The following DST variants were observed in gnomAD, a reference collection of about 807,000 sequenced individuals.
The protein encoded by DST is dystonin.
A neutral mutation model predicts 875.2 loss-of-function variants in DST; 253 were observed. That is an observed-to-expected ratio of 0.29 (90% CI 0.26 to 0.32). The LOEUF (loss-of-function observed/expected upper bound fraction) is 0.32. Among genes scored for constraint, DST ranks in the 10% least tolerant of loss-of-function variants. The pLI, the probability that DST is intolerant of heterozygous loss-of-function variation, is 1.00. For synonymous variants in DST, 3,124 were observed against 3,197.1 expected (o/e 0.98, Z 0.77); for missense variants, 8,287 against 9,111.6 (o/e 0.91, Z 3.68).
chr6:56,784,519 G>A (rs548259174), intron 4 of DST, among the ~76,000 whole-genome samples: 3 of 152,252 alleles, frequency 2.0e-5, no homozygotes, highest in African/African-American at 7.2e-5. Context: ...GATCGCATCA[G>A]CTCCTGAGGC....
chr6:56,947,130 C>T (rs1357527120), intron 2 of DST, among the ~76,000 whole-genome samples: 1 of 152,014 alleles, frequency 6.6e-6, no homozygotes, highest in Non-Finnish European at 1.5e-5. Flanking sequence ...GGCCATTTTC[C>T]AAGGCCCTCT....
intron 85 of DST, among the ~76,000 whole-genome samples, chr6:56,491,405 C>T (rs1190308685): frequency 6.6e-6 from 1 of 152,054 alleles, no homozygotes; most frequent in Non-Finnish European, 1.5e-5. Flanking sequence ...CACTAAATTT[C>T]TAGTAAAAAT....
rs185941415 is a variant in DST at position 56,775,546 on chromosome 6, A to G, written c.626-40257T>C. Among the ~76,000 whole-genome samples the G allele has an allele frequency of 5.3e-5, 8 of 152,332 alleles. No homozygotes were observed. The East Asian group carries it at 1.5e-3, about 29-fold the overall frequency. On this transcript the variant is annotated intron_variant, in intron 4 of 103. Coordinates refer to ENST00000680361, the MANE Select transcript of DST (RefSeq NM_001374736.1). ...CCCAGCGCTTAGATATTGGTTTCTA[A>G]TATCAGCTTCCAATAAAAGGAACCA...
At chr6:56,843,580 A>G in intron 4 of DST, 1 of 983,904 alleles carries the variant, frequency 1.0e-6, no homozygotes, top group Non-Finnish European at 1.2e-6. Context: ...GGCCGGGCCG[A>G]GGCCGCGGCA....
chr6:56,853,816 C>G (rs570006830), intron 3 of DST, among the ~76,000 whole-genome samples: 4 of 151,902 alleles, frequency 2.6e-5, no homozygotes, highest in Non-Finnish European at 5.9e-5. Context: ...ACTGGTGCAG[C>G]CTCTAATCTG....
intron 32 of DST, among the ~76,000 whole-genome samples, chr6:56,629,035 T>C (rs1296414562): frequency 6.6e-6 from 1 of 152,200 alleles, no homozygotes; most frequent in Admixed American, 6.5e-5. Flanking sequence ...AATGCTAGAA[T>C]ACATGAATAG....
At position 56,604,831 on chromosome 6, in the gene DST, T is replaced by A. The variant is rs771562411; in HGVS notation, c.9797A>T (p.Glu3266Val). Residue 3266 changes from glutamate to valine, a missense_variant, in exon 40 of 104, where the codon GAA becomes GTA. Glu to Val is a moderately radical substitution (Grantham distance 121). Coordinates refer to ENST00000680361, the MANE Select transcript of DST (RefSeq NM_001374736.1). ...GGTEISQFTP[E>V]SIEATLSILS... is the part of the protein sequence containing the mutation. ...TATTGAAAGTGTGGCTTCAATACTT[T>A]CTGGTGTGAACTGAGAAATTTCTGT... 1.1e-5 allele frequency: 18 copies of A among 1,612,876 alleles called. No homozygotes were observed. The highest frequency in any genetic ancestry group is 1.4e-5 in the Non-Finnish European group (16 of 1,179,310).
At chr6:56,836,489 TA>T (rs2099793669) in intron 4 of DST, among the ~76,000 whole-genome samples, 1 of 152,130 alleles carries the variant, frequency 6.6e-6, no homozygotes, top group Non-Finnish European at 1.5e-5. Context: ...TAAATGAACA[TA>T]AAACCACTTA....
Position 56,501,189 on chromosome 6 carries a change from G to A in DST, c.19787C>T (p.Ala6596Val). ...ALLALGQFQH[A>V]LDELLAWLTH... is the part of the protein sequence containing the mutation. ...CAGCCATGCCAGGAGCTCATCCAGG[G>A]CATGTTGGAACTGACCCAAGGCTAA... is the stretch of plus-strand genomic sequence containing the variant. The change falls in exon 80 of 104, where the codon GCC (alanine) becomes GTC (valine). Residue 6596 changes from alanine (A) to valine (V), a missense_variant. By Grantham distance (64) the Ala-to-Val change is moderately conservative. Transcript: ENST00000680361. 1 of 1,611,960 alleles carries A rather than the reference G, an allele frequency of 6.2e-7. No homozygotes were observed. The highest frequency in any genetic ancestry group is 8.5e-7 in the Non-Finnish European group (1 of 1,178,930).
intron 10 of DST, among the ~76,000 whole-genome samples, chr6:56,654,044 A>G (rs567909527): frequency 2.7e-4 from 41 of 152,364 alleles, no homozygotes; most frequent in African/African-American, 9.6e-4. Flanking sequence ...ATTAGACTAT[A>G]TTATAGTGAC....
chr6:56,633,649 C>T (rs2098802204), intron 27 of DST, among the ~76,000 whole-genome samples: 1 of 152,050 alleles, frequency 6.6e-6, no homozygotes, highest in South Asian at 2.1e-4. Flanking sequence ...TACAGGCATG[C>T]ACCACCACAC....
Position 56,552,704 on chromosome 6 carries a change from T to C in DST, c.16088A>G (p.His5363Arg), listed in dbSNP as rs925040715. The C allele has an allele frequency of 6.2e-7, 1 of 1,613,316 alleles. No homozygotes were observed. Among genetic ancestry groups the C allele is most frequent in the Admixed American group, 1.7e-5 (1 of 60,032 alleles). ...ATCAACCTGCTGACTTAGTGTACTA[T>C]GCTCTTGAGCTATGGTTTCCACTTG... The part of the protein sequence containing the change: ...LLQVETIAQE[H>R]STLSQQVDEK... Residue 5363 changes from histidine (H) to arginine (R), a missense_variant, in exon 61 of 104, where the codon CAT (histidine) becomes CGT (arginine). Coordinates refer to ENST00000680361, the MANE Select transcript of DST (RefSeq NM_001374736.1).
chr6:56,479,313 T>C (rs1226633083), intron 90 of DST, among the ~76,000 whole-genome samples: 1 of 152,204 alleles, frequency 6.6e-6, no homozygotes, highest in Non-Finnish European at 1.5e-5. Context: ...GGCGTGCTTA[T>C]ACACTGTTGG....
intron 4 of DST, among the ~76,000 whole-genome samples, chr6:56,764,986 G>GAA (rs2099629351): frequency 7.7e-6 from 1 of 130,702 alleles, no homozygotes; most frequent in African/African-American, 2.9e-5. Flanking sequence ...AGGGAGGGAG[G>GAA]GAGGGAGGGA....
intron 9 of DST, among the ~76,000 whole-genome samples, chr6:56,675,039 C>T (rs1218430392): frequency 6.6e-6 from 1 of 152,190 alleles, no homozygotes; most frequent in Non-Finnish European, 1.5e-5. Flanking sequence ...GTAATAAAAA[C>T]AGCATGGTAC....
At position 56,900,420 on chromosome 6, in the gene DST, C is replaced by T. The variant is rs1793541923; in HGVS notation, c.417+1G>A. 1 of 1,366,844 alleles carries T rather than the reference C, an allele frequency of 7.3e-7. No homozygotes were observed. Among genetic ancestry groups the T allele is most frequent in the Admixed American group, 1.9e-5 (1 of 52,416 alleles). 84.7% of individuals were successfully genotyped at this position (1,366,844 alleles called of 1,614,324 possible). ...TTTATAAAAGACAGTTCTCTACTTA[C>T]AGGCCTCCTGATTGAAGCACCTTGA... On this transcript the variant is annotated splice_donor_variant, in intron 3 of 103. Coordinates refer to ENST00000680361, the MANE Select transcript of DST (RefSeq NM_001374736.1). LOFTEE classifies it high-confidence loss of function.
chr6:56,890,760 C>T (rs908060629), intron 3 of DST, among the ~76,000 whole-genome samples: 6 of 152,164 alleles, frequency 3.9e-5, no homozygotes, highest in Non-Finnish European at 5.9e-5. Context: ...GCTAAAACTG[C>T]ACAGTCACGC....
At chr6:56,594,903 C>T (rs1449063844) in intron 47 of DST, among the ~76,000 whole-genome samples, 1 of 152,198 alleles carries the variant, frequency 6.6e-6, no homozygotes, top group Non-Finnish European at 1.5e-5. Flanking sequence ...AAATTCAAAT[C>T]CACTCTGAAG....
chr6:56,651,184 A>G lies in DST; in HGVS notation c.1275T>C (p.His425=), dbSNP rs941956610. 19 of 1,612,616 alleles carry G rather than the reference A, an allele frequency of 1.2e-5. No homozygotes were observed. Among genetic ancestry groups the G allele is most frequent in the Non-Finnish European group, 1.5e-5 (18 of 1,179,318 alleles). The change falls in exon 11 of 104, where the codon CAT becomes CAC. Residue 425 remains histidine, a synonymous_variant. Transcript: ENST00000680361. ...AVQSNLANLE[H]AFYVAEKIGV... is the part of the protein sequence containing the mutation. ...CAATTTTTTCTGCTACGTAAAAAGC[A>G]TGCTCTAAATTTGCAAGGTTGCTTT...
Sources: gnomAD v4.1 joint callset for allele counts (sites outside exome capture counted in the v4.1 genomes callset) on GRCh38, gnomAD v4.1.1 for gene constraint, MANE v1.5 for transcripts, NCBI Gene and HGNC (gene_info 2026-07-23, HGNC 2026-07-21) for gene names.